NALF1: variants seen among roughly 807,000 people sequenced by gnomAD.
The protein encoded by NALF1 is family with sequence similarity 155 member A.
In NALF1, 3 loss-of-function variants were observed where a neutral mutation model predicts 48.4. The observed-to-expected ratio is 0.06, with a 90% confidence interval of 0.03 to 0.16. The LOEUF (loss-of-function observed/expected upper bound fraction) is 0.16, where lower values mean the gene tolerates loss of function less well. Among genes scored for constraint, NALF1 ranks in the 10% least tolerant of loss-of-function variants. NALF1 has a pLI of 1.00. For synonymous variants in NALF1, 262 were observed against 245.7 expected (o/e 1.07, Z -0.62); for missense variants, 526 against 571.5 (o/e 0.92, Z 0.81).
chr13:107,373,558 TG>T (rs757322253), intron 1 of NALF1, among the ~76,000 whole-genome samples: 1 of 152,106 alleles, frequency 6.6e-6, no homozygotes, highest in African/African-American at 2.4e-5. Flanking sequence ...CCACAGCCAA[TG>T]GGTCCAGCTG....
intron 1 of NALF1, among the ~76,000 whole-genome samples, chr13:107,693,337 C>CGGGGGGGGGGG (rs140909907): frequency 7.8e-6 from 1 of 128,648 alleles, no homozygotes; most frequent in Non-Finnish European, 1.6e-5. Flanking sequence ...GTAGGGGGGG[C>CGGGGGGGGGGG]GGGAGGGATA....
At chr13:107,858,146 T>C (rs1458125159) in intron 1 of NALF1, among the ~76,000 whole-genome samples, 1 of 152,220 alleles carries the variant, frequency 6.6e-6, no homozygotes, top group Non-Finnish European at 1.5e-5. Context: ...TGGCCATCCA[T>C]CCTAGTTGCC....
In NALF1 at chr13:107,169,105, T is replaced by C. The variant is rs917413596; in HGVS notation, c.*1392A>G. 2.0e-5 allele frequency: 3 copies of C among 152,576 alleles called. No homozygotes were observed. Among genetic ancestry groups the C allele is most frequent in the African/African-American group, 7.2e-5 (3 of 41,428 alleles). The allele number at this position is 152,576 out of a possible 1,614,324, so 9.5% of individuals were successfully genotyped here. ...TCATGTACACTCAGCAGGTGAAATG[T>C]TCCCACAAAGAAAATAAAATACAAA... is the stretch of plus-strand genomic sequence containing the variant. On this transcript the variant is annotated 3_prime_UTR_variant, in exon 3 of 3. Coordinates refer to ENST00000375915, the MANE Select transcript of NALF1 (RefSeq NM_001080396.3).
intron 1 of NALF1, among the ~76,000 whole-genome samples, chr13:107,671,039 T>G (rs1880978970): frequency 1.3e-5 from 2 of 152,128 alleles, no homozygotes; most frequent in African/African-American, 4.8e-5. Flanking sequence ...ATGTGCAACT[T>G]CCTTATCAAT....
chr13:107,312,219 A>G (rs1416437314), intron 1 of NALF1, among the ~76,000 whole-genome samples: 1 of 152,202 alleles, frequency 6.6e-6, no homozygotes, highest in Admixed American at 6.5e-5. Flanking sequence ...TGGCACATAT[A>G]CACCATGGAA....
chr13:107,316,800 T>TG (rs1335144379), intron 1 of NALF1, among the ~76,000 whole-genome samples: 1 of 152,102 alleles, frequency 6.6e-6, no homozygotes, highest in Non-Finnish European at 1.5e-5. Context: ...TCTTAGGACT[T>TG]AAAGCTGAGT....
At chr13:107,715,029 A>T (rs1483244277) in intron 1 of NALF1, among the ~76,000 whole-genome samples, 1 of 151,960 alleles carries the variant, frequency 6.6e-6, no homozygotes, top group Non-Finnish European at 1.5e-5. Flanking sequence ...CTTATATAGT[A>T]GGTGTATATA....
chr13:107,615,662 C>T (rs1211306089), intron 1 of NALF1, among the ~76,000 whole-genome samples: 1 of 152,122 alleles, frequency 6.6e-6, no homozygotes, highest in African/African-American at 2.4e-5. Context: ...TCTCTGTGTG[C>T]CCTGATATAA....
rs116534022 is a variant in NALF1, at chr13:107,478,720, T to C, written c.916-267965A>G. Among the ~76,000 whole-genome samples the C allele has an allele frequency of 8.4e-3, 1,280 of 152,218 alleles. 21 individuals are homozygous for C. The highest frequency in any genetic ancestry group is 0.029 in the African/African-American group (1,222 of 41,530). On this transcript the variant is annotated intron_variant, in intron 1 of 2. Coordinates refer to ENST00000375915, the MANE Select transcript of NALF1 (RefSeq NM_001080396.3). ...TCGCTGGTAGGGATAAATGCTTATATTTGTTTTTATAATTTTTTTTTGCAT... is the reference window on the plus strand; with the variant it reads ...TCGCTGGTAGGGATAAATGCTTATACTTGTTTTTATAATTTTTTTTTGCAT...
intron 1 of NALF1, among the ~76,000 whole-genome samples, chr13:107,687,824 C>T (rs909159945): frequency 2.6e-5 from 4 of 152,176 alleles, no homozygotes; most frequent in Admixed American, 2.6e-4. Context: ...ATGTCAAGTG[C>T]TCAGTAGCCA....
intron 1 of NALF1, among the ~76,000 whole-genome samples, chr13:107,443,173 T>TATCAATCA (rs201673461): frequency 1.4e-5 from 1 of 70,746 alleles, no homozygotes; most frequent in Non-Finnish European, 2.6e-5. Context: ...TCTAACAATC[T>TATCAATCA]ATCTATCTAT....
chr13:107,714,626 T>TTAAAAAAAAA (rs1555320362), intron 1 of NALF1, among the ~76,000 whole-genome samples: 51 of 126,468 alleles, frequency 4.0e-4, no homozygotes, highest in African/African-American at 1.4e-3. Flanking sequence ...GAGGCTTTAT[T>TTAAAAAAAAA]AAAAAAAAAA....
chr13:107,822,843 A>C (rs1566496000), intron 1 of NALF1, among the ~76,000 whole-genome samples: 1 of 152,198 alleles, frequency 6.6e-6, no homozygotes, highest in Non-Finnish European at 1.5e-5. Flanking sequence ...TAAAAGATGA[A>C]CCCAAAGATT....
Position 107,193,028 on chromosome 13 carries a change from C to T in NALF1, c.1087+17556G>A, listed in dbSNP as rs555376005. On this transcript the variant is annotated intron_variant, in intron 2 of 2. Coordinates refer to ENST00000375915, the MANE Select transcript of NALF1 (RefSeq NM_001080396.3). The stretch of plus-strand genomic sequence containing the variant: ...ATTAGTAAAACATTTGTGCAATTTA[C>T]ATTATGCTTATATGCTGTACTGTTA... Among the ~76,000 whole-genome samples, 19 of 150,536 alleles carry T rather than the reference C, an allele frequency of 1.3e-4. No individual in the cohort carries two copies. The South Asian group carries it at 1.5e-3, about 12-fold the overall frequency.
chr13:107,271,081 A>C (rs1306472201), intron 1 of NALF1, among the ~76,000 whole-genome samples: 1 of 152,200 alleles, frequency 6.6e-6, no homozygotes, highest in East Asian at 1.9e-4. Context: ...ATGAAATAAT[A>C]ATATTCTTCT....
intron 1 of NALF1, among the ~76,000 whole-genome samples, chr13:107,705,174 C>T (rs1881916834): frequency 2.0e-5 from 3 of 152,126 alleles, no homozygotes; most frequent in Admixed American, 1.3e-4. Context: ...TCTCAAGACA[C>T]TGTAAATTGG....
At chr13:107,629,060 A>T (rs1004431413) in intron 1 of NALF1, among the ~76,000 whole-genome samples, 2 of 152,198 alleles carry the variant, frequency 1.3e-5, no homozygotes, top group Admixed American at 6.6e-5. Flanking sequence ...TTGTACTCTT[A>T]CAACCACACA....
chr13:107,669,417 A>T (rs1460490212), intron 1 of NALF1, among the ~76,000 whole-genome samples: 1 of 152,152 alleles, frequency 6.6e-6, no homozygotes, highest in Admixed American at 6.6e-5. Flanking sequence ...TCTTTCATCC[A>T]AATAAAAAAA....
At chr13:107,242,106 T>C (rs1880483144) in intron 1 of NALF1, among the ~76,000 whole-genome samples, 1 of 152,194 alleles carries the variant, frequency 6.6e-6, no homozygotes, top group Non-Finnish European at 1.5e-5. Context: ...TTTAAATTGG[T>C]TTAAATTGGC....
Sources: gnomAD v4.1 joint callset for allele counts (sites outside exome capture counted in the v4.1 genomes callset) on GRCh38, gnomAD v4.1.1 for gene constraint, MANE v1.5 for transcripts, NCBI Gene and HGNC (gene_info 2026-07-23, HGNC 2026-07-21) for gene names.